Variants in RBPJ observed in about 807,000 individuals in gnomAD.
The protein encoded by RBPJ is recombination signal binding protein for immunoglobulin kappa J region.
A neutral mutation model predicts 67.8 loss-of-function variants in RBPJ; 9 were observed. That is an observed-to-expected ratio of 0.13 (90% CI 0.08 to 0.23). RBPJ has a LOEUF of 0.23. Ranked by LOEUF, RBPJ falls within the 10% of genes least tolerant of loss-of-function variation. The pLI is 1.00. For missense variants in RBPJ, 305 were observed against 595.6 expected, an observed-to-expected ratio of 0.51 and a Z score of 5.08; for synonymous variants, 198 against 203.3, an observed-to-expected ratio of 0.97 and a Z score of 0.22.
intron 1 of RBPJ, among the ~76,000 whole-genome samples, chr4:26,178,884 G>A (rs924813187): frequency 6.6e-6 from 1 of 152,142 alleles, no homozygotes; most frequent in Non-Finnish European, 1.5e-5. Context: ...GGACAGGGCT[G>A]GCTTAAAAAT....
chr4:26,412,559 A>G (rs986711148), intron 3 of RBPJ, among the ~76,000 whole-genome samples: 3 of 152,254 alleles, frequency 2.0e-5, no homozygotes, highest in Admixed American at 6.5e-5. Flanking sequence ...GGGATGTTCA[A>G]CCACTAAGTA....
At chr4:26,220,340 A>G (rs1188092602) in intron 1 of RBPJ, among the ~76,000 whole-genome samples, 1 of 152,166 alleles carries the variant, frequency 6.6e-6, no homozygotes, top group Non-Finnish European at 1.5e-5. Flanking sequence ...TGCAATAGTC[A>G]TTCTCCCTAG....
At chr4:26,109,579 CTA>C in the RBPJ span, among the ~76,000 whole-genome samples, 14 of 29,390 alleles carry the variant, frequency 4.8e-4, 3 homozygotes, top group South Asian at 8.9e-3. Context: ...CTCTCTCTCT[CTA>C]TATATATATA....
chr4:26,383,451 C>A, intron 1 of RBPJ, among the ~76,000 whole-genome samples: 1 of 152,116 alleles, frequency 6.6e-6, no homozygotes, highest in African/African-American at 2.4e-5. Flanking sequence ...TGGGTGGCAG[C>A]ATCATTAAAA....
At chr4:26,336,052 T>C (rs903901734) in intron 1 of RBPJ, among the ~76,000 whole-genome samples, 1 of 152,186 alleles carries the variant, frequency 6.6e-6, no homozygotes, top group African/African-American at 2.4e-5. Flanking sequence ...CTATCTTAGT[T>C]ATGGCTCTTT....
intron 1 of RBPJ, among the ~76,000 whole-genome samples, chr4:26,168,595 A>T (rs1380601694): frequency 6.6e-6 from 1 of 152,062 alleles, no homozygotes; most frequent in Non-Finnish European, 1.5e-5. Flanking sequence ...TGTTCTCTGT[A>T]TTTCCTGAAT....
chr4:26,341,632 A>C (rs530352392), intron 1 of RBPJ, among the ~76,000 whole-genome samples: 2,370 of 150,626 alleles, frequency 0.016, 34 homozygotes, highest in Middle Eastern at 0.051. Context: ...ACAAAACAAA[A>C]CAAAAAAAAA....
intron 1 of RBPJ, among the ~76,000 whole-genome samples, chr4:26,205,746 C>T (rs971547352): frequency 2.0e-5 from 3 of 152,022 alleles, no homozygotes; most frequent in Admixed American, 6.6e-5. Flanking sequence ...GCATGCACTA[C>T]CACTCCTGGC....
rs1170642545 is a variant in RBPJ at position 26,433,192 on chromosome 4, T to C, written c.*2185T>C. The C allele has an allele frequency of 1.3e-5, 2 of 152,364 alleles. No homozygotes were observed. Among genetic ancestry groups the C allele is most frequent in the East Asian group, 1.9e-4 (1 of 5,192 alleles). The allele number at this position is 152,364 out of a possible 1,614,324, so 9.4% of individuals were successfully genotyped here. The stretch of plus-strand genomic sequence containing the variant: ...TTTCAGTGATCAAGGGCAGAACTCA[T>C]TGTGGCCTTATCTTTCTTTGTTGTA... On this transcript the variant is annotated 3_prime_UTR_variant, in exon 11 of 11. Coordinates refer to ENST00000355476, the MANE Select transcript of RBPJ (RefSeq NM_015874.6).
At chr4:26,335,534 C>T (rs1403354945) in intron 1 of RBPJ, among the ~76,000 whole-genome samples, 4 of 151,858 alleles carry the variant, frequency 2.6e-5, no homozygotes, top group African/African-American at 9.7e-5. Context: ...TGCTCGCTGC[C>T]ATTGCCTTAC....
chr4:26,106,761 A>G, the RBPJ span, among the ~76,000 whole-genome samples: 1 of 152,156 alleles, frequency 6.6e-6, no homozygotes, highest in African/African-American at 2.4e-5. Context: ...ACTGGCTAGA[A>G]TGTATTCTGC....
chr4:26,360,571 GT>G (rs1228498725), intron 1 of RBPJ, among the ~76,000 whole-genome samples: 2 of 145,710 alleles, frequency 1.4e-5, no homozygotes, highest in African/African-American at 2.5e-5. Flanking sequence ...GAAGCGGAAT[GT>G]TTTCTAGACA....
At chr4:26,353,275 T>C (rs1726994180) in intron 1 of RBPJ, among the ~76,000 whole-genome samples, 1 of 152,278 alleles carries the variant, frequency 6.6e-6, no homozygotes, top group Admixed American at 6.5e-5. Context: ...ATGCTGCCTA[T>C]GCAGCAGATC....
At chr4:26,190,509 A>T (rs1717441469) in intron 1 of RBPJ, among the ~76,000 whole-genome samples, 1 of 152,218 alleles carries the variant, frequency 6.6e-6, no homozygotes, top group South Asian at 2.1e-4. Context: ...AGGTGAGGGC[A>T]TCTGCCTTCC....
intron 1 of RBPJ, among the ~76,000 whole-genome samples, chr4:26,206,676 AT>A (rs200413023): frequency 4.6e-5 from 7 of 150,624 alleles, no homozygotes; most frequent in South Asian, 2.1e-4. Context: ...ATAAGATATA[AT>A]TTTTTTTGGT....
At chr4:26,208,987 T>G (rs1191693359) in intron 1 of RBPJ, among the ~76,000 whole-genome samples, 1 of 152,148 alleles carries the variant, frequency 6.6e-6, no homozygotes, top group Non-Finnish European at 1.5e-5. Flanking sequence ...GTATTTGTGC[T>G]TGTTCCTTAT....
chr4:26,213,328 A>G (rs572142063), intron 1 of RBPJ, among the ~76,000 whole-genome samples: 3 of 152,278 alleles, frequency 2.0e-5, no homozygotes, highest in African/African-American at 4.8e-5. Context: ...CAAATTTCAC[A>G]CCAAAGTCCT....
chr4:26,407,001 T>G (rs1489516013), intron 3 of RBPJ, among the ~76,000 whole-genome samples: 1 of 152,164 alleles, frequency 6.6e-6, no homozygotes, highest in African/African-American at 2.4e-5. Context: ...CTACATACAC[T>G]CAAGCCAGAA....
At chr4:26,128,673 A>G in the RBPJ span, among the ~76,000 whole-genome samples, 2 of 152,302 alleles carry the variant, frequency 1.3e-5, no homozygotes, top group Non-Finnish European at 2.9e-5. Context: ...CTAAACGGGC[A>G]TCTTATGAGA....
Sources: gnomAD v4.1 joint callset for allele counts (sites outside exome capture counted in the v4.1 genomes callset) on GRCh38, gnomAD v4.1.1 for gene constraint, MANE v1.5 for transcripts, NCBI Gene and HGNC (gene_info 2026-07-23, HGNC 2026-07-21) for gene names.